Variants in COL11A1 observed in about 807,000 individuals in gnomAD.
COL11A1 encodes the protein collagen alpha-1(XI) chain.
In COL11A1, 74 loss-of-function variants were observed where a neutral mutation model predicts 265.2. The ratio of observed to expected loss-of-function variants is 0.28; its 90% CI spans 0.23 to 0.34. The LOEUF (loss-of-function observed/expected upper bound fraction) is 0.34, where lower values mean the gene tolerates loss of function less well. Among genes scored for constraint, COL11A1 ranks in the 10% least tolerant of loss-of-function variants. The probability of loss-of-function intolerance (pLI) is 1.00; values close to 1 mark genes in which losing one functional copy is unlikely to be tolerated. For synonymous variants in COL11A1, 816 were observed against 727.6 expected (o/e 1.12, Z -1.96); for missense variants, 2,165 against 2,263.6 (o/e 0.96, Z 0.88).
chr1:102,991,876 C>T (rs554548722), intron 28 of COL11A1, among the ~76,000 whole-genome samples: 11 of 150,272 alleles, frequency 7.3e-5, no homozygotes, highest in African/African-American at 2.4e-4. Flanking sequence ...CCATTTTCAC[C>T]ATCCTGCCCA....
At position 102,990,335 on chromosome 1, in the gene COL11A1, T is replaced by A. The variant is rs3102056; in HGVS notation, c.2341-764A>T. 3.0e-3 allele frequency among the ~76,000 whole-genome samples: 252 copies of A among 83,886 alleles called. 2 individuals are homozygous for A. The highest frequency in any genetic ancestry group is 7.7e-3 in the Middle Eastern group (1 of 130). 55.0% of individuals were successfully genotyped at this position (83,886 alleles called of 152,430 possible). A position where few individuals can be genotyped will look rare whatever the true frequency, so the allele number is the denominator to read the frequency against. ...TTATGCCTATAAATTTTATATTGTA[T>A]TTTTTTTTAAAATCATGTCCATTAG... On this transcript the variant is annotated intron_variant, in intron 28 of 66. Transcript: ENST00000370096.
chr1:103,066,191 G>A (rs1671132220), intron 4 of COL11A1, among the ~76,000 whole-genome samples: 1 of 151,810 alleles, frequency 6.6e-6, no homozygotes, highest in Non-Finnish European at 1.5e-5. Flanking sequence ...AAAATATGGA[G>A]CTTCAGAAAT....
intron 31 of COL11A1, among the ~76,000 whole-genome samples, chr1:102,983,702 T>C (rs1035004251): frequency 6.6e-6 from 1 of 151,928 alleles, no homozygotes; most frequent in Admixed American, 6.6e-5. Context: ...TTTGTGGAGA[T>C]TTGTCATAGC....
Position 102,961,671 on chromosome 1 carries a change from T to C in COL11A1, c.3168+195A>G, listed in dbSNP as rs533594001. ...CTCCTGACAGCAGCAGAAGCAAATA[T>C]TTCCAATCATCCAAACCCTTCTGTT... is the stretch of plus-strand genomic sequence containing the variant. On this transcript the variant is annotated intron_variant, in intron 41 of 66. Coordinates refer to ENST00000370096, the MANE Select transcript of COL11A1 (RefSeq NM_001854.4). 54 of 557,254 alleles carry C rather than the reference T, an allele frequency of 9.7e-5. No homozygotes were observed. The African/African-American group carries it at 1.0e-3, about 11-fold the overall frequency. 34.5% of individuals were successfully genotyped at this position (557,254 alleles called of 1,614,324 possible). A position where few individuals can be genotyped will look rare whatever the true frequency, so the allele number is the denominator to read the frequency against.
intron 4 of COL11A1, among the ~76,000 whole-genome samples, chr1:103,058,683 C>A (rs1670421894): frequency 1.3e-5 from 2 of 152,070 alleles, no homozygotes; most frequent in South Asian, 4.2e-4. Context: ...CAATAGAGAG[C>A]CTCAAGGAGG....
chr1:103,019,733 C>T (rs13374198), intron 9 of COL11A1, among the ~76,000 whole-genome samples: 3,500 of 106,336 alleles, frequency 0.033, 232 homozygotes, highest in African/African-American at 0.12. Context: ...TGCTATCCCT[C>T]CCCCCTCCCC....
In COL11A1 at chr1:102,876,792, A is replaced by T. The variant is rs538679983; in HGVS notation, c.*1227T>A. 4.6e-5 allele frequency: 7 copies of T among 152,418 alleles called. No individual in the cohort carries two copies. The South Asian group carries it at 1.4e-3, about 32-fold the overall frequency. The allele number at this position is 152,418 out of a possible 1,614,324, so 9.4% of individuals were successfully genotyped here. A position where few individuals can be genotyped will look rare whatever the true frequency, so the allele number is the denominator to read the frequency against. The stretch of plus-strand genomic sequence containing the variant: ...CAAGCTACCTTAAAGTAAATACCTT[A>T]GTGGAAAAAAAAGTTTAGATTTTCC... On this transcript the variant is annotated 3_prime_UTR_variant, in exon 67 of 67. Transcript: ENST00000370096.
At chr1:103,090,145 A>G (rs1200565228) in intron 1 of COL11A1, among the ~76,000 whole-genome samples, 3 of 151,726 alleles carry the variant, frequency 2.0e-5, no homozygotes, top group Non-Finnish European at 2.9e-5. Context: ...AAATAAATAA[A>G]TAATAAAATA....
At position 102,937,103 on chromosome 1, in the gene COL11A1, T is replaced by C. The variant is rs150831188; in HGVS notation, c.3438+1932A>G. The stretch of plus-strand genomic sequence containing the variant: ...TAGCTAGTTTTTATTAAAAGTGCTT[T>C]GGGCTTATTATTCTTAATTATAAAT... On this transcript the variant is annotated intron_variant, in intron 44 of 66. Transcript: ENST00000370096. Among the ~76,000 whole-genome samples the C allele has an allele frequency of 4.2e-4, 64 of 152,258 alleles. No individual in the cohort carries two copies. The East Asian group carries it at 0.012, about 29-fold the overall frequency.
At chr1:103,104,685 C>T (rs142177576) in intron 1 of COL11A1, among the ~76,000 whole-genome samples, 36 of 152,278 alleles carry the variant, frequency 2.4e-4, no homozygotes, top group African/African-American at 8.7e-4. Flanking sequence ...GTGTGTAAAG[C>T]ATGCAGAAAG....
intron 32 of COL11A1, 138 bp downstream of exon 32, chr1:102,979,244 C>T: frequency 2.5e-6 from 3 of 1,218,888 alleles, no homozygotes; most frequent in Non-Finnish European, 3.6e-6. Context: ...TGCTATGCTG[C>T]CCAGGCTGGC....
chr1:103,018,768 A>G (rs1666764989), intron 10 of COL11A1, 50 bp downstream of exon 10: 12 of 1,355,338 alleles, frequency 8.9e-6, no homozygotes, highest in Non-Finnish European at 1.3e-5. Flanking sequence ...TAGAAATCTT[A>G]TATATGATTA....
In COL11A1 at chr1:102,948,271, T is replaced by G. The variant is rs78222077; in HGVS notation, c.3169-1315A>C. 6.9e-4 allele frequency among the ~76,000 whole-genome samples: 105 copies of G among 152,202 alleles called. 1 individual carries two copies. The East Asian group carries it at 0.015, about 22-fold the overall frequency. ...ATTCTCACAACAATTCCAGGTAGTTTATAGAGCTGTTGTAGCATCTGTTTT... is the reference window on the plus strand; with the variant it reads ...ATTCTCACAACAATTCCAGGTAGTTGATAGAGCTGTTGTAGCATCTGTTTT... On this transcript the variant is annotated intron_variant, in intron 41 of 66. Transcript: ENST00000370096.
At chr1:102,950,527 C>T (rs906545887) in intron 41 of COL11A1, among the ~76,000 whole-genome samples, 8 of 152,022 alleles carry the variant, frequency 5.3e-5, no homozygotes, top group African/African-American at 1.2e-4. Flanking sequence ...AAATATTCAA[C>T]TCACATTCTT....
intron 4 of COL11A1, among the ~76,000 whole-genome samples, chr1:103,046,040 C>G (rs1407099494): frequency 1.3e-5 from 2 of 151,350 alleles, no homozygotes; most frequent in Non-Finnish European, 2.9e-5. Context: ...TGGGTTGGTT[C>G]CAAGTCTTTG....
At chr1:102,909,798 A>G (rs1654428731) in intron 54 of COL11A1, among the ~76,000 whole-genome samples, 1 of 152,054 alleles carries the variant, frequency 6.6e-6, no homozygotes, top group South Asian at 2.1e-4. Flanking sequence ...TCTCAATTCC[A>G]GAATTGAGGG....
intron 8 of COL11A1, 22 bp from the exon 9 acceptor site, chr1:103,021,791 A>T (rs954965101): frequency 6.5e-7 from 1 of 1,541,160 alleles, no homozygotes; most frequent in African/African-American, 1.4e-5. Context: ...AATATTCAAA[A>T]CAGCCTAAAT....
intron 46 of COL11A1, among the ~76,000 whole-genome samples, chr1:102,929,963 G>T (rs960911683): frequency 2.0e-5 from 3 of 152,188 alleles, no homozygotes; most frequent in African/African-American, 7.2e-5. Context: ...CTTTGCTAAA[G>T]TTGCTTATCA....
intron 4 of COL11A1, among the ~76,000 whole-genome samples, chr1:103,042,129 C>T (rs571046612): frequency 6.6e-6 from 1 of 152,090 alleles, no homozygotes; most frequent in Admixed American, 6.6e-5. Context: ...TGACTGTTTA[C>T]CAATCATTCA....
Sources: gnomAD v4.1 joint callset for allele counts (sites outside exome capture counted in the v4.1 genomes callset) on GRCh38, gnomAD v4.1.1 for gene constraint, MANE v1.5 for transcripts, NCBI Gene and HGNC (gene_info 2026-07-23, HGNC 2026-07-21) for gene names.